Variants in KCNG3 observed in about 807,000 individuals in gnomAD.
KCNG3 encodes voltage-gated potassium channel regulatory subunit KCNG3.
KCNG3 carries 15 observed loss-of-function variants against 29.0 expected under a neutral mutation model. The ratio of observed to expected loss-of-function variants is 0.52; its 90% confidence interval spans 0.35 to 0.80. The LOEUF is 0.80. Among genes scored for constraint, KCNG3 ranks in the 30% least tolerant of loss-of-function variants. The probability of loss-of-function intolerance (pLI) is 0.01; values close to 1 mark genes in which losing one functional copy is unlikely to be tolerated. For missense variants in KCNG3, 512 were observed against 605.7 expected, an observed-to-expected ratio of 0.85 and a Z score of 1.62; for synonymous variants, 322 against 248.9, an observed-to-expected ratio of 1.29 and a Z score of -2.76.
chr2:42,414,004 T>A, the KCNG3 span, among the ~76,000 whole-genome samples: 1 of 152,232 alleles, frequency 6.6e-6, no homozygotes, highest in Non-Finnish European at 1.5e-5. Flanking sequence ...AAAACAATGA[T>A]CTTAACATTC....
chr2:42,485,743 C>T (rs1036437268), intron 1 of KCNG3, among the ~76,000 whole-genome samples: 4 of 152,084 alleles, frequency 2.6e-5, no homozygotes, highest in Non-Finnish European at 5.9e-5. Context: ...CCACCGTGCC[C>T]GGCAAATGCT....
chr2:42,462,100 AAATT>A (rs1316809120), intron 1 of KCNG3, among the ~76,000 whole-genome samples: 1 of 152,246 alleles, frequency 6.6e-6, no homozygotes, highest in African/African-American at 2.4e-5. Flanking sequence ...GCTAAAAAAT[AAATT>A]GAGTGGTGAG....
chr2:42,458,677 G>A (rs943827313), intron 1 of KCNG3, among the ~76,000 whole-genome samples: 1 of 152,080 alleles, frequency 6.6e-6, no homozygotes, highest in Non-Finnish European at 1.5e-5. Context: ...AAGTGCATTG[G>A]AGTGTCTGCA....
In KCNG3 at chr2:42,455,719, T is replaced by C. The variant is rs1339023547; in HGVS notation, c.666-11140A>G. ...AGGAGCTTGGGGCTGCAGTGAACTA[T>C]GACTGCTCCATTACACTCCAGACTA... On this transcript the variant is annotated intron_variant, in intron 1 of 1. Coordinates refer to ENST00000306078, the MANE Select transcript of KCNG3 (RefSeq NM_133329.6). Among the ~76,000 whole-genome samples, 7 of 152,122 alleles carry C rather than the reference T, an allele frequency of 4.6e-5. No homozygotes were observed. In the South Asian group the frequency reaches 1.2e-3, roughly 27 times the overall value.
intron 1 of KCNG3, among the ~76,000 whole-genome samples, chr2:42,466,477 A>G (rs1234733115): frequency 6.6e-6 from 1 of 152,186 alleles, no homozygotes; most frequent in Non-Finnish European, 1.5e-5. Flanking sequence ...GTAACTGCCT[A>G]CAGTATTCAG....
At chr2:42,473,266 T>C (rs903803327) in intron 1 of KCNG3, among the ~76,000 whole-genome samples, 1 of 152,126 alleles carries the variant, frequency 6.6e-6, no homozygotes, top group Non-Finnish European at 1.5e-5. Flanking sequence ...TGTGTTATCA[T>C]CTATTGTTTT....
At chr2:42,487,201 T>G (rs1673746608) in intron 1 of KCNG3, among the ~76,000 whole-genome samples, 1 of 151,684 alleles carries the variant, frequency 6.6e-6, no homozygotes, top group African/African-American at 2.4e-5. Context: ...TTAATCATTA[T>G]GCATTTTTGC....
chr2:42,466,935 T>C (rs1673156848), intron 1 of KCNG3, among the ~76,000 whole-genome samples: 5 of 151,914 alleles, frequency 3.3e-5, no homozygotes, highest in Admixed American at 3.3e-4. Context: ...GTATTTTAAG[T>C]AGAGATGGGG....
the KCNG3 span, among the ~76,000 whole-genome samples, chr2:42,414,817 T>G: frequency 1.3e-5 from 2 of 152,206 alleles, no homozygotes; most frequent in Admixed American, 1.3e-4. Flanking sequence ...ACAAATTCTC[T>G]CTTCAAATAT....
At chr2:42,436,649 G>A in the KCNG3 span, among the ~76,000 whole-genome samples, 5 of 152,134 alleles carry the variant, frequency 3.3e-5, no homozygotes, top group Non-Finnish European at 5.9e-5. Context: ...AGTGTGAGTC[G>A]CAAATACAGT....
intron 1 of KCNG3, among the ~76,000 whole-genome samples, chr2:42,452,942 G>A (rs572783024): frequency 1.3e-5 from 2 of 152,054 alleles, no homozygotes; most frequent in Non-Finnish European, 2.9e-5. Flanking sequence ...CTACCATGCC[G>A]GGGTAATTTT....
At chr2:42,432,062 C>T in the KCNG3 span, among the ~76,000 whole-genome samples, 1 of 148,136 alleles carries the variant, frequency 6.8e-6, no homozygotes, top group Non-Finnish European at 1.5e-5. Context: ...AAAATCTGGG[C>T]TTACTGTAAA....
intron 1 of KCNG3, among the ~76,000 whole-genome samples, chr2:42,464,568 T>C (rs1294377068): frequency 1.3e-5 from 2 of 152,242 alleles, no homozygotes; most frequent in East Asian, 1.9e-4. Flanking sequence ...CTAAAATGCA[T>C]GAGTTATCAT....
chr2:42,441,731 C>CTATATAAAATATATA (rs1558371174), downstream of KCNG3, among the ~76,000 whole-genome samples: 2 of 9,028 alleles, frequency 2.2e-4, no homozygotes, highest in African/African-American at 4.4e-4. Context: ...CACACATATC[C>CTATATAAAATATATA]CTATATATAA....
At chr2:42,423,865 T>C in the KCNG3 span, among the ~76,000 whole-genome samples, 2 of 152,280 alleles carry the variant, frequency 1.3e-5, no homozygotes, top group South Asian at 2.1e-4. Flanking sequence ...AAGTATGTGC[T>C]TATTTTTTCC....
the KCNG3 span, among the ~76,000 whole-genome samples, chr2:42,401,488 C>T: frequency 6.6e-6 from 1 of 151,850 alleles, no homozygotes; most frequent in African/African-American, 2.4e-5. Context: ...GTCTCCCAGG[C>T]TGGAGTGCAG....
chr2:42,451,283 AT>A lies in KCNG3; in HGVS notation c.666-6705del, dbSNP rs1196889352. On this transcript the variant is annotated intron_variant, in intron 1 of 1. Transcript: ENST00000306078. ...TCTCCAGGGTTTACATTAGAATAGC[AT>A]TTTTTTGTGTGTGCCAGGGGCAGTG... Among the ~76,000 whole-genome samples, 5 of 150,408 alleles carry A rather than the reference AT, an allele frequency of 3.3e-5. No individual in the cohort carries two copies. In the East Asian group the frequency reaches 9.8e-4, roughly 30 times the overall value.
At position 42,466,773 on chromosome 2, in the gene KCNG3, G is replaced by C. The variant is rs186027340; in HGVS notation, c.666-22194C>G. On this transcript the variant is annotated intron_variant, in intron 1 of 1. Transcript: ENST00000306078. ...TCTTCCTTTTTTTTTTTTTTTTTGA[G>C]ATGGAGTCTCGCTCTGTCATCCAGG... Among the ~76,000 whole-genome samples the C allele has an allele frequency of 2.9e-3, 399 of 136,906 alleles. 3 individuals carry two copies. The highest frequency in any genetic ancestry group is 0.01 in the African/African-American group (381 of 36,378). 89.8% of individuals were successfully genotyped at this position (136,906 alleles called of 152,430 possible).
chr2:42,446,154 T>C (rs1672591625), intron 1 of KCNG3, among the ~76,000 whole-genome samples: 1 of 151,824 alleles, frequency 6.6e-6, no homozygotes, highest in South Asian at 2.1e-4. Flanking sequence ...AATTTGAAGG[T>C]AATTTTAAAT....
Sources: gnomAD v4.1 joint callset for allele counts (sites outside exome capture counted in the v4.1 genomes callset) on GRCh38, gnomAD v4.1.1 for gene constraint, MANE v1.5 for transcripts, NCBI Gene and HGNC (gene_info 2026-07-23, HGNC 2026-07-21) for gene names.